Variants in SREBF2 observed in about 807,000 individuals in gnomAD.
SREBF2 encodes the protein sterol regulatory element binding transcription factor 2.
In SREBF2, 55 loss-of-function variants were observed where a neutral mutation model predicts 113.1. That is an observed-to-expected ratio of 0.49 (90% CI 0.39 to 0.61). SREBF2 has a LOEUF of 0.61. Ranked by LOEUF, SREBF2 falls within the 20% of genes least tolerant of loss-of-function variation. SREBF2 has a pLI of 0.00. For synonymous variants in SREBF2, 593 were observed against 605.7 expected, an observed-to-expected ratio of 0.98 and a Z score of 0.31; for missense variants, 1,349 against 1,487.4, an observed-to-expected ratio of 0.91 and a Z score of 1.53.
intron 1 of SREBF2, among the ~76,000 whole-genome samples, chr22:41,856,251 C>CTCA (rs2076976871): frequency 2.0e-5 from 3 of 152,086 alleles, no homozygotes; most frequent in Non-Finnish European, 2.9e-5. Context: ...CTCAGCCTGC[C>CTCA]GAGTAGCTGG....
At position 41,878,067 on chromosome 22, in the gene SREBF2, C is replaced by T. The variant is rs747947350; in HGVS notation, c.1705C>T (p.Arg569Cys). 1.1e-5 allele frequency: 17 copies of T among 1,614,034 alleles called. No homozygotes were observed. The highest frequency in any genetic ancestry group is 2.7e-5 in the African/African-American group (2 of 74,910). Residue 569 changes from arginine (R) to cysteine (C), a missense_variant, in exon 9 of 19, where the codon CGC (arginine) becomes TGC (cysteine). Arg to Cys is a radical substitution (Grantham distance 180). Around this residue, in one of 2 missense-constraint regions of SREBF2, gnomAD observed 699 missense variants for 843.3 expected, o/e 0.83. Transcript: ENST00000361204. ...HGEPVIRPHS[R>C]SSVTFWRHRK... ...GGAGCCAGTGATCCGGCCACACTCG[C>T]GCTCCTCGGTCACCTTCTGGAGGCA...
chr22:41,841,021 G>A (rs772091956), intron 1 of SREBF2, among the ~76,000 whole-genome samples: 1 of 152,138 alleles, frequency 6.6e-6, no homozygotes, highest in Non-Finnish European at 1.5e-5. Flanking sequence ...CACTGAATAG[G>A]CACTCTGTAA....
chr22:41,872,937 C>T (rs1279823814), intron 4 of SREBF2, among the ~76,000 whole-genome samples: 1 of 152,004 alleles, frequency 6.6e-6, no homozygotes, highest in East Asian at 1.9e-4. Flanking sequence ...GTGGCTCACG[C>T]CTGTAATCCC....
chr22:41,878,727 A>G (rs2077219843), intron 9 of SREBF2: 6 of 1,304,180 alleles, frequency 4.6e-6, no homozygotes, highest in Non-Finnish European at 6.1e-6. Flanking sequence ...ACATTTCAAG[A>G]GGAACAAGAA....
At chr22:41,864,642 G>A (rs1282076876) in intron 1 of SREBF2, among the ~76,000 whole-genome samples, 6 of 150,950 alleles carry the variant, frequency 4.0e-5, no homozygotes, top group Non-Finnish European at 8.9e-5. Flanking sequence ...GTGTTTTTTT[G>A]TTTGTTTGTT....
chr22:41,879,821 C>T (rs1167080694), intron 9 of SREBF2, among the ~76,000 whole-genome samples: 1 of 152,134 alleles, frequency 6.6e-6, no homozygotes, highest in East Asian at 1.9e-4. Flanking sequence ...AGTACAGTGC[C>T]GTAGACTCTC....
chr22:41,862,811 C>T (rs1014444470), intron 1 of SREBF2, among the ~76,000 whole-genome samples: 2 of 152,218 alleles, frequency 1.3e-5, no homozygotes, highest in Non-Finnish European at 2.9e-5. Context: ...CTTAACAGCC[C>T]CTCTGTGCCA....
At position 41,905,010 on chromosome 22, in the gene SREBF2, A is replaced by G. The variant is rs2269662; in HGVS notation, c.3205+36A>G. The stretch of plus-strand genomic sequence containing the variant: ...CCCTCCCCAGCTCACAGGCTGGGCC[A>G]GGCCCTGCGCCCTAGGAAGAGAGGA... On this transcript the variant is annotated intron_variant, in intron 18 of 18. Transcript: ENST00000361204. 0.081 allele frequency: 124,186 copies of G among 1,530,376 alleles called. 5,257 individuals are homozygous for G. The highest frequency in any genetic ancestry group is 0.14 in the African/African-American group (10,446 of 73,584). 94.8% of individuals were successfully genotyped at this position (1,530,376 alleles called of 1,614,324 possible).
At chr22:41,899,689 G>C (rs976032522) in intron 15 of SREBF2, 7 of 586,214 alleles carry the variant, frequency 1.2e-5, no homozygotes, top group Non-Finnish European at 1.5e-5. Flanking sequence ...CTGTATGTGT[G>C]TCTCCCCCAG....
At chr22:41,852,942 G>A (rs1278875411) in intron 1 of SREBF2, among the ~76,000 whole-genome samples, 1 of 151,752 alleles carries the variant, frequency 6.6e-6, no homozygotes, top group African/African-American at 2.4e-5. Flanking sequence ...TAGAGACGGG[G>A]TTTCACCATG....
rs1262763608 is a variant in SREBF2 at position 41,864,255 on chromosome 22, TATATATACACAC to T, written c.89-2574_89-2563del. Reference sequence around the variant, plus strand: ...ATATATATATATATATATATATATATATATATACACACACACACACACACACACAAAATATCA... The same window carrying T: ...ATATATATATATATATATATATATATACACACACACACACACAAAATATCA... On this transcript the variant is annotated intron_variant, in intron 1 of 18. Transcript: ENST00000361204. Among the ~76,000 whole-genome samples, 81 of 75,696 alleles carry T rather than the reference TATATATACACAC, an allele frequency of 1.1e-3. 1 individual carries two copies. The highest frequency in any genetic ancestry group is 3.4e-3 in the African/African-American group (75 of 21,880). The allele number at this position is 75,696 out of a possible 152,430, so 49.7% of individuals were successfully genotyped here.
At chr22:41,840,321 A>G (rs924265026) in intron 1 of SREBF2, among the ~76,000 whole-genome samples, 1 of 152,112 alleles carries the variant, frequency 6.6e-6, no homozygotes, top group African/African-American at 2.4e-5. Flanking sequence ...GAAACTTGCA[A>G]TGTGGTGGTC....
intron 10 of SREBF2, among the ~76,000 whole-genome samples, chr22:41,883,405 G>A (rs1365666477): frequency 6.6e-6 from 1 of 152,180 alleles, no homozygotes; most frequent in African/African-American, 2.4e-5. Context: ...TGGGCTCATG[G>A]TAGAATTTTA....
At chr22:41,885,125 AG>A in intron 11 of SREBF2, 114 bp downstream of exon 11, 1 of 1,228,984 alleles carries the variant, frequency 8.1e-7, no homozygotes, top group East Asian at 2.5e-5. Flanking sequence ...GCCCACCTGG[AG>A]GGGTAGGCAG....
intron 1 of SREBF2, among the ~76,000 whole-genome samples, chr22:41,862,072 A>C (rs758742905): frequency 9.2e-5 from 14 of 151,778 alleles, no homozygotes; most frequent in Admixed American, 3.3e-4. Flanking sequence ...TGAATCTGTA[A>C]TTTGGAGAAA....
intron 11 of SREBF2, among the ~76,000 whole-genome samples, chr22:41,888,219 A>G (rs577989638): frequency 1.6e-4 from 25 of 152,324 alleles, no homozygotes; most frequent in Non-Finnish European, 3.1e-4. Context: ...CCTACCTCAA[A>G]GTCATGAAGA....
chr22:41,879,275 G>A (rs921124500), intron 9 of SREBF2, among the ~76,000 whole-genome samples: 1 of 152,252 alleles, frequency 6.6e-6, no homozygotes, highest in African/African-American at 2.4e-5. Context: ...GAAGGGAAGT[G>A]ATTAGTGACG....
intron 13 of SREBF2, among the ~76,000 whole-genome samples, chr22:41,896,350 T>C (rs560198534): frequency 2.6e-5 from 4 of 152,102 alleles, no homozygotes; most frequent in East Asian, 1.9e-4. Flanking sequence ...TTTTTTGTTA[T>C]TTTTGTTTGT....
chr22:41,902,616 G>T (rs1190968841), intron 16 of SREBF2, among the ~76,000 whole-genome samples: 1 of 152,126 alleles, frequency 6.6e-6, no homozygotes. Context: ...CAGCCATGGT[G>T]GGACTCCCAT....
Sources: allele counts gnomAD v4.1 joint callset (sites outside exome capture counted in the v4.1 genomes callset), GRCh38; gene constraint gnomAD v4.1.1; regional missense constraint gnomAD v4.1.1; transcripts MANE v1.5; gene names NCBI Gene and HGNC (gene_info 2026-07-23, HGNC 2026-07-21).